The following ENTREP2 variants were observed in gnomAD, a reference collection of about 807,000 sequenced individuals.
ENTREP2 encodes protein ENTREP2.
chr15:29,129,988 T>A, the ENTREP2 span, among the ~76,000 whole-genome samples: 2 of 152,222 alleles, frequency 1.3e-5, no homozygotes, highest in Non-Finnish European at 2.9e-5. Context: ...CGACTTGCTC[T>A]GATTCCAGCT....
At chr15:29,275,269 G>T in the ENTREP2 span, among the ~76,000 whole-genome samples, 1 of 152,090 alleles carries the variant, frequency 6.6e-6, no homozygotes, top group Non-Finnish European at 1.5e-5. Flanking sequence ...TATATATCAA[G>T]GTACTATTAA....
the ENTREP2 span, among the ~76,000 whole-genome samples, chr15:29,561,737 A>T: frequency 6.6e-6 from 1 of 151,862 alleles, no homozygotes; most frequent in Non-Finnish European, 1.5e-5. Context: ...TAAATGTACA[A>T]GGAACGGAAA....
At chr15:29,244,066 T>G in the ENTREP2 span, among the ~76,000 whole-genome samples, 1 of 152,234 alleles carries the variant, frequency 6.6e-6, no homozygotes, top group African/African-American at 2.4e-5. Flanking sequence ...ACAAAGTGAA[T>G]GCAGCCTAAT....
chr15:29,227,113 G>A, the ENTREP2 span, among the ~76,000 whole-genome samples: 2 of 152,190 alleles, frequency 1.3e-5, no homozygotes, highest in African/African-American at 2.4e-5. Context: ...ATAGCGGCTT[G>A]GAGGACTGGC....
At chr15:29,257,216 G>C in the ENTREP2 span, among the ~76,000 whole-genome samples, 1 of 152,102 alleles carries the variant, frequency 6.6e-6, no homozygotes. Flanking sequence ...TGGGATTACA[G>C]GCATGCGCCA....
At chr15:29,539,385 G>A in the ENTREP2 span, among the ~76,000 whole-genome samples, 9 of 152,086 alleles carry the variant, frequency 5.9e-5, no homozygotes, top group African/African-American at 9.7e-5. Flanking sequence ...TTGTTTCAGT[G>A]CAATCACTGC....
chr15:29,532,729 T>A, the ENTREP2 span, among the ~76,000 whole-genome samples: 1 of 152,230 alleles, frequency 6.6e-6, no homozygotes, highest in Non-Finnish European at 1.5e-5. Flanking sequence ...TATCTGATTT[T>A]AACACAAAAA....
chr15:29,674,774 A>C, the ENTREP2 span, among the ~76,000 whole-genome samples: 1 of 29,614 alleles, frequency 3.4e-5, no homozygotes, highest in Admixed American at 3.6e-4. Context: ...GAGAGGGAGG[A>C]GGGGGCGCGG....
chr15:29,180,709 GT>G, the ENTREP2 span, among the ~76,000 whole-genome samples: 2 of 151,854 alleles, frequency 1.3e-5, no homozygotes, highest in African/African-American at 2.4e-5. Flanking sequence ...AAATAAAAAA[GT>G]AACGGAAAAA....
At chr15:29,562,750 G>GT in the ENTREP2 span, among the ~76,000 whole-genome samples, 8 of 151,392 alleles carry the variant, frequency 5.3e-5, no homozygotes, top group Admixed American at 3.3e-4. Flanking sequence ...CTATGTGTGT[G>GT]TGTTGTTGTT....
chr15:29,399,822 G>A, the ENTREP2 span, among the ~76,000 whole-genome samples: 3 of 152,108 alleles, frequency 2.0e-5, no homozygotes, highest in African/African-American at 7.2e-5. Flanking sequence ...AAAGTCATAA[G>A]GAAGAGAAAA....
At chr15:29,282,080 C>A in the ENTREP2 span, among the ~76,000 whole-genome samples, 38 of 152,322 alleles carry the variant, frequency 2.5e-4, no homozygotes, top group African/African-American at 8.4e-4. Context: ...AAGATGTATC[C>A]TCATATGTCA....
chr15:29,221,598 A>T, the ENTREP2 span, among the ~76,000 whole-genome samples: 1 of 152,128 alleles, frequency 6.6e-6, no homozygotes, highest in African/African-American at 2.4e-5. Context: ...CTCTTATCAC[A>T]CGAGAGACAT....
At chr15:29,492,987 G>C in the ENTREP2 span, among the ~76,000 whole-genome samples, 1 of 151,016 alleles carries the variant, frequency 6.6e-6, no homozygotes, top group African/African-American at 2.4e-5. Flanking sequence ...TGGGGCGACA[G>C]AGTGAGACTC....
At chr15:29,269,057 C>T in the ENTREP2 span, 1 of 1,614,080 alleles carries the variant, frequency 6.2e-7, no homozygotes, top group Non-Finnish European at 8.5e-7. Context: ...TTTGGATCTC[C>T]GAAAATTAAA....
the ENTREP2 span, among the ~76,000 whole-genome samples, chr15:29,516,251 G>C: frequency 1.3e-3 from 198 of 152,066 alleles, 3 homozygotes; most frequent in Non-Finnish European, 8.1e-4. Context: ...GGTCACACAG[G>C]GTACACACAG....
the ENTREP2 span, among the ~76,000 whole-genome samples, chr15:29,364,944 T>TTACA: frequency 6.6e-6 from 1 of 152,140 alleles, no homozygotes; most frequent in African/African-American, 2.4e-5. Flanking sequence ...AGTCCATGGT[T>TTACA]TACATTAGGG....
chr15:29,145,137 T>C, the ENTREP2 span, among the ~76,000 whole-genome samples: 2 of 152,180 alleles, frequency 1.3e-5, no homozygotes, highest in Non-Finnish European at 2.9e-5. Flanking sequence ...TTCCAAACTC[T>C]TCTATTAATA....
At chr15:29,225,953 G>A in the ENTREP2 span, among the ~76,000 whole-genome samples, 1 of 151,962 alleles carries the variant, frequency 6.6e-6, no homozygotes, top group Non-Finnish European at 1.5e-5. Context: ...GTCCACCGCA[G>A]CTCCCCGTGT....
Sources: gnomAD v4.1 joint callset for allele counts (sites outside exome capture counted in the v4.1 genomes callset) on GRCh38, gnomAD v4.1.1 for gene constraint, MANE v1.5 for transcripts, NCBI Gene and HGNC (gene_info 2026-07-23, HGNC 2026-07-21) for gene names.